Variants in TIA1 observed in about 807,000 individuals in gnomAD.
TIA1 encodes the protein cytotoxic granule associated RNA binding protein TIA1.
A neutral mutation model predicts 65.9 loss-of-function variants in TIA1; 23 were observed. The ratio of observed to expected loss-of-function variants is 0.35; its 90% CI spans 0.25 to 0.49. The LOEUF is 0.49. Ranked by LOEUF, TIA1 falls within the 20% of genes least tolerant of loss-of-function variation. The probability of loss-of-function intolerance (pLI) is 0.98; values close to 1 mark genes in which losing one functional copy is unlikely to be tolerated. For missense variants in TIA1, 371 were observed against 477.9 expected (o/e 0.78, Z 2.09); for synonymous variants, 147 against 149.4 (o/e 0.98, Z 0.12).
intron 7 of TIA1, among the ~76,000 whole-genome samples, chr2:70,220,492 G>C (rs971837156): frequency 2.0e-5 from 3 of 152,066 alleles, no homozygotes; most frequent in African/African-American, 4.8e-5. Flanking sequence ...GAGTTATACA[G>C]CTACAAGCCA....
intron 1 of TIA1, among the ~76,000 whole-genome samples, chr2:70,237,714 A>C (rs563964074): frequency 2.0e-5 from 3 of 151,990 alleles, no homozygotes; most frequent in Non-Finnish European, 4.4e-5. Context: ...AAACACAAAA[A>C]TTAGCCGGGC....
At chr2:70,244,886 T>G (rs1693605389) in intron 1 of TIA1, among the ~76,000 whole-genome samples, 1 of 150,946 alleles carries the variant, frequency 6.6e-6, no homozygotes, top group African/African-American at 2.4e-5. Flanking sequence ...TACAAGAGAT[T>G]TTATTTCATA....
chr2:70,213,125 T>A (rs529184118), intron 12 of TIA1, among the ~76,000 whole-genome samples: 35 of 152,226 alleles, frequency 2.3e-4, no homozygotes, highest in African/African-American at 8.2e-4. Flanking sequence ...CTCCTTTGAA[T>A]ATAGAAAAAC....
chr2:70,218,302 A>G (rs1437805441), intron 7 of TIA1, among the ~76,000 whole-genome samples: 2 of 152,236 alleles, frequency 1.3e-5, no homozygotes, highest in Admixed American at 1.3e-4. Flanking sequence ...TTAAGGCACA[A>G]AAGTTTGGTA....
chr2:70,228,847 C>G, intron 5 of TIA1: 1 of 1,424,848 alleles, frequency 7.0e-7, no homozygotes, highest in Non-Finnish European at 9.2e-7. Flanking sequence ...TCAGCTGCTA[C>G]CAAACGGGTC....
At chr2:70,214,039 T>G (rs1677494375) in intron 12 of TIA1, among the ~76,000 whole-genome samples, 1 of 152,178 alleles carries the variant, frequency 6.6e-6, no homozygotes, top group Non-Finnish European at 1.5e-5. Context: ...TCAGGGTGTA[T>G]AAGGAAGCTT....
Position 70,240,881 on chromosome 2 carries a change from C to T in TIA1, c.27-4706G>A, listed in dbSNP as rs574317077. 5.3e-5 allele frequency among the ~76,000 whole-genome samples: 8 copies of T among 151,244 alleles called. No homozygotes were observed. In the South Asian group the frequency reaches 1.7e-3, roughly 31 times the overall value. On this transcript the variant is annotated intron_variant, in intron 1 of 12. Transcript: ENST00000433529. ...AGCAAGACACTGCCCTCCCTGCCCCCCCACCAAAAAAAAAGGACATAAAAA... is the reference window on the plus strand; with the variant it reads ...AGCAAGACACTGCCCTCCCTGCCCCTCCACCAAAAAAAAAGGACATAAAAA...
Position 70,214,432 on chromosome 2 carries a change from T to C in TIA1, c.951A>G (p.Gln317=), listed in dbSNP as rs1236324874. 2 of 1,614,082 alleles carry C rather than the reference T, an allele frequency of 1.2e-6. No individual in the cohort carries two copies. Among genetic ancestry groups the C allele is most frequent in the Non-Finnish European group, 1.7e-6 (2 of 1,179,982 alleles). Residue 317 remains glutamine, a synonymous_variant, in exon 12 of 13, where the codon CAA becomes CAG. Transcript: ENST00000433529. ...GQWGQWYGNA[Q]QIGQYMPNGW... is the part of the protein sequence containing the mutation. ...CATTAGGCATATACTGGCCAATTTG[T>C]TGTGCATTTCCATACCACTGGCCCC... is the stretch of plus-strand genomic sequence containing the variant.
intron 1 of TIA1, 134 bp downstream of exon 1, chr2:70,248,271 G>A (rs184168139): frequency 1.4e-4 from 138 of 985,180 alleles, no homozygotes; most frequent in Admixed American, 5.2e-4. Context: ...AAGCATCCAG[G>A]TGCATGCTAA....
intron 1 of TIA1, 24 bp downstream of exon 1, chr2:70,248,381 C>T (rs750774881): frequency 1.3e-6 from 2 of 1,597,850 alleles, no homozygotes; most frequent in South Asian, 1.1e-5. Flanking sequence ...CATCCCGCCT[C>T]CCTCATCGCT....
Position 70,236,122 on chromosome 2 carries a change from A to C in TIA1, c.80T>G (p.Phe27Cys), listed in dbSNP as rs1336287472. The stretch of plus-strand genomic sequence containing the variant: ...GTTTTTACAAGGTCCAATCTGGCTA[A>C]AGAGTTGCAGAATTAGAGCTTCTGT... Reference protein sequence around the residue: ...DVTEALILQLFSQIGPCKNCK... With the variant: ...DVTEALILQLCSQIGPCKNCK... The change falls in exon 2 of 13, where the codon TTT becomes TGT. Residue 27 changes from phenylalanine to cysteine, a missense_variant. Coordinates refer to ENST00000433529, the MANE Select transcript of TIA1 (RefSeq NM_022173.4). 1 of 1,613,308 alleles carries C rather than the reference A, an allele frequency of 6.2e-7. No individual in the cohort carries two copies.
intron 1 of TIA1, among the ~76,000 whole-genome samples, chr2:70,248,106 G>A (rs1232096760): frequency 1.3e-5 from 2 of 152,182 alleles, no homozygotes; most frequent in South Asian, 2.1e-4. Context: ...CTAAAAAGAG[G>A]TCTGAATTAA....
Position 70,212,520 on chromosome 2 carries a change from T to C in TIA1, c.*199A>G, listed in dbSNP as rs1558737063. On this transcript the variant is annotated 3_prime_UTR_variant, in exon 13 of 13. Transcript: ENST00000433529. ...TCAAAAAAGGTAATGAAGGCAAAAA[T>C]TGGCAGACATCCAGCATCTTGTTTC... The C allele has an allele frequency of 1.4e-5, 6 of 431,282 alleles. No individual in the cohort carries two copies. Among genetic ancestry groups the C allele is most frequent in the African/African-American group, 6.0e-5 (3 of 50,218 alleles). 26.7% of individuals were successfully genotyped at this position (431,282 alleles called of 1,614,324 possible). A position where few individuals can be genotyped will look rare whatever the true frequency, so the allele number is the denominator to read the frequency against.
At chr2:70,246,305 T>G (rs868028094) in intron 1 of TIA1, among the ~76,000 whole-genome samples, 39 of 152,368 alleles carry the variant, frequency 2.6e-4, no homozygotes, top group Middle Eastern at 3.4e-3. Context: ...GCTGTGTTTT[T>G]AATGTGCTAA....
chr2:70,228,582 A>T, intron 5 of TIA1: 1 of 1,108,486 alleles, frequency 9.0e-7, no homozygotes, highest in Non-Finnish European at 1.1e-6. Context: ...TTATCAAAAA[A>T]AGAAACACTT....
intron 1 of TIA1, among the ~76,000 whole-genome samples, chr2:70,242,797 C>CA (rs1692493146): frequency 6.6e-6 from 1 of 152,004 alleles, no homozygotes; most frequent in African/African-American, 2.4e-5. Flanking sequence ...ACTGGGCATG[C>CA]AAGGGATCTA....
In TIA1 at chr2:70,227,792, C is replaced by G; in HGVS notation, c.341G>C (p.Ser114Thr). ...TATATCTTCAGTTGTAATTTCTGGG[C>G]TGAGATCACCAACAAAGACATGGAA... is the stretch of plus-strand genomic sequence containing the variant. ...DHFHVFVGDL[S>T]PEITTEDIKA... The change falls in exon 6 of 13, where the codon AGC (serine) becomes ACC (threonine). Residue 114 changes from serine (S) to threonine (T), a missense_variant. Transcript: ENST00000433529. 1.3e-6 allele frequency: 2 copies of G among 1,594,694 alleles called. No homozygotes were observed. The highest frequency in any genetic ancestry group is 1.7e-6 in the Non-Finnish European group (2 of 1,168,332).
At chr2:70,224,343 T>C (rs2104284983) in intron 7 of TIA1, 1 of 572,502 alleles carries the variant, frequency 1.7e-6, no homozygotes, top group South Asian at 3.1e-5. Context: ...ACAACTTTAC[T>C]TTCTACATTC....
At chr2:70,228,739 A>T in intron 5 of TIA1, 1 of 985,442 alleles carries the variant, frequency 1.0e-6, no homozygotes, top group South Asian at 4.7e-5. Context: ...TTTGAGGAGC[A>T]ACTCAAGCAT....
Sources: allele counts gnomAD v4.1 joint callset (sites outside exome capture counted in the v4.1 genomes callset), GRCh38; gene constraint gnomAD v4.1.1; transcripts MANE v1.5; gene names NCBI Gene and HGNC (gene_info 2026-07-23, HGNC 2026-07-21).